The following MLF1 variants were observed in gnomAD, a reference collection of about 807,000 sequenced individuals.
MLF1 encodes the protein myeloid leukemia factor 1, also known as myelodysplasia-myeloid leukemia factor 1.
MLF1 carries 37 observed loss-of-function variants against 38.3 expected under a neutral mutation model. The ratio of observed to expected loss-of-function variants is 0.96; its 90% CI spans 0.74 to 1.27. The LOEUF (loss-of-function observed/expected upper bound fraction) is 1.27, where lower values mean the gene tolerates loss of function less well. MLF1 is among the 50% of genes most tolerant of loss of function. MLF1 has a pLI of 0.00. For missense variants in MLF1, 331 were observed against 349.2 expected, an observed-to-expected ratio of 0.95 and a Z score of 0.42; for synonymous variants, 95 against 106.5, an observed-to-expected ratio of 0.89 and a Z score of 0.66.
At chr3:158,587,141 T>G (rs1270050305) in intron 1 of MLF1, among the ~76,000 whole-genome samples, 2 of 152,248 alleles carry the variant, frequency 1.3e-5, no homozygotes, top group African/African-American at 4.8e-5. Flanking sequence ...TGGGATATAC[T>G]AAATCAAAAT....
chr3:158,572,327 G>T (rs1576631871), intron 1 of MLF1, among the ~76,000 whole-genome samples: 1 of 143,994 alleles, frequency 6.9e-6, no homozygotes, highest in South Asian at 2.3e-4. Context: ...AGAGCTTGAA[G>T]TGCAGGGACG....
At chr3:158,586,164 CAAAAA>C (rs11297914) in intron 1 of MLF1, among the ~76,000 whole-genome samples, 4 of 125,122 alleles carry the variant, frequency 3.2e-5, no homozygotes, top group African/African-American at 1.2e-4. Flanking sequence ...AACTCTGTCT[CAAAAA>C]AAAAAAAAAG....
chr3:158,601,375 C>G (rs1719718655), intron 6 of MLF1, among the ~76,000 whole-genome samples: 1 of 152,010 alleles, frequency 6.6e-6, no homozygotes, highest in South Asian at 2.1e-4. Context: ...CAAGACCAGC[C>G]TGACCAACAT....
intron 6 of MLF1, among the ~76,000 whole-genome samples, chr3:158,600,892 A>G (rs7629199): frequency 0.043 from 6,547 of 151,694 alleles, 468 homozygotes; most frequent in African/African-American, 0.15. Flanking sequence ...ATGCATTTAC[A>G]TCCTTCTAGT....
At chr3:158,600,923 A>G (rs1352416354) in intron 6 of MLF1, among the ~76,000 whole-genome samples, 1 of 151,484 alleles carries the variant, frequency 6.6e-6, no homozygotes, top group African/African-American at 2.4e-5. Context: ...TTCTCCCTGT[A>G]GTTTTTAATT....
At chr3:158,588,592 C>T (rs1426040761) in intron 1 of MLF1, among the ~76,000 whole-genome samples, 1 of 111,374 alleles carries the variant, frequency 9.0e-6, no homozygotes, top group East Asian at 3.1e-4. Context: ...GAGAGCGAGA[C>T]TCCGTCTCAA....
intron 2 of MLF1, among the ~76,000 whole-genome samples, chr3:158,592,794 G>T (rs750581686): frequency 1.3e-5 from 2 of 152,030 alleles, no homozygotes; most frequent in Non-Finnish European, 2.9e-5. Context: ...AAACTGTTAG[G>T]TCCATAGAAG....
intron 1 of MLF1, among the ~76,000 whole-genome samples, chr3:158,587,766 C>G (rs980076103): frequency 6.6e-6 from 1 of 152,128 alleles, no homozygotes; most frequent in African/African-American, 2.4e-5. Context: ...TTTGGGAGGC[C>G]GAGGCGGGCA....
At chr3:158,592,660 A>G (rs1718330373) in intron 2 of MLF1, 79 bp downstream of exon 2, 2 of 1,143,796 alleles carry the variant, frequency 1.7e-6, no homozygotes, top group Non-Finnish European at 2.5e-6. Flanking sequence ...GTATATATCT[A>G]TAATGATAGG....
At chr3:158,594,959 A>G (rs1718675201) in intron 3 of MLF1, among the ~76,000 whole-genome samples, 1 of 152,168 alleles carries the variant, frequency 6.6e-6, no homozygotes, top group Non-Finnish European at 1.5e-5. Flanking sequence ...GAGCTGAGCT[A>G]GAGATAATTT....
intron 1 of MLF1, among the ~76,000 whole-genome samples, chr3:158,572,651 GGGGCGTGAGGTGGAGGGAGGAGGGTTT>G (rs1270609926): frequency 1.5e-5 from 2 of 132,128 alleles, no homozygotes; most frequent in Non-Finnish European, 3.3e-5. Context: ...AGGGAGGGTT[GGGGCGTGAGGTGGAGGGAGGAGGGTTT>G]GGGGGCATGA....
intron 3 of MLF1, 72 bp downstream of exon 3, chr3:158,593,498 T>C: frequency 8.0e-7 from 1 of 1,244,772 alleles, no homozygotes; most frequent in South Asian, 1.4e-5. Context: ...TAACTCAAGC[T>C]GACTGAATTG....
intron 7 of MLF1, among the ~76,000 whole-genome samples, chr3:158,603,341 T>C (rs1446622564): frequency 6.6e-6 from 1 of 152,212 alleles, no homozygotes; most frequent in East Asian, 1.9e-4. Flanking sequence ...TTTGGAAGAC[T>C]TAACAACTTT....
At position 158,571,269 on chromosome 3, in the gene MLF1, C is replaced by T. The variant is rs1477738937; in HGVS notation, c.-32C>T. 2.6e-6 allele frequency: 4 copies of T among 1,565,080 alleles called. No individual in the cohort carries two copies. Among genetic ancestry groups the T allele is most frequent in the Non-Finnish European group, 3.5e-6 (4 of 1,137,558 alleles). ...AGTTAACATCGTTTTTCCAATCTGT[C>T]CGCGGCTGCCGCCACCCAAGACAGA... On this transcript the variant is annotated 5_prime_UTR_variant, in exon 1 of 8. Transcript: ENST00000466246.
At chr3:158,594,166 AAC>A (rs1435581531) in intron 3 of MLF1, among the ~76,000 whole-genome samples, 1 of 152,174 alleles carries the variant, frequency 6.6e-6, no homozygotes, top group Non-Finnish European at 1.5e-5. Context: ...AAGCAGTTAT[AAC>A]ACAGAGTTAT....
chr3:158,580,965 T>C (rs1457387179), intron 1 of MLF1, among the ~76,000 whole-genome samples: 3 of 152,008 alleles, frequency 2.0e-5, no homozygotes, highest in Non-Finnish European at 4.4e-5. Flanking sequence ...TAATATGCCA[T>C]GTAAGAAGCT....
At chr3:158,587,231 C>T (rs1412520507) in intron 1 of MLF1, among the ~76,000 whole-genome samples, 1 of 152,080 alleles carries the variant, frequency 6.6e-6, no homozygotes, top group East Asian at 1.9e-4. Flanking sequence ...TTGAAGTAGT[C>T]CTTAGAGGAC....
At chr3:158,589,060 T>TC (rs1422163459) in intron 1 of MLF1, 1 of 357,378 alleles carries the variant, frequency 2.8e-6, no homozygotes, top group African/African-American at 2.1e-5. Context: ...TGGAGATTTT[T>TC]CTCTGTGTAG....
intron 3 of MLF1, among the ~76,000 whole-genome samples, chr3:158,595,460 G>A (rs981561377): frequency 3.3e-5 from 5 of 151,910 alleles, no homozygotes; most frequent in Admixed American, 1.3e-4. Flanking sequence ...TGAGAAGAGG[G>A]CAGAAATACC....
Sources: allele counts gnomAD v4.1 joint callset (sites outside exome capture counted in the v4.1 genomes callset), GRCh38; gene constraint gnomAD v4.1.1; transcripts MANE v1.5; gene names NCBI Gene and HGNC (gene_info 2026-07-23, HGNC 2026-07-21).